The following NAV2 variants were observed in gnomAD, a reference collection of about 807,000 sequenced individuals.
The protein encoded by NAV2 is neuron navigator 2.
Under a neutral mutation model 223.2 loss-of-function variants are expected in NAV2, and 54 were observed. The ratio of observed to expected loss-of-function variants is 0.24; its 90% confidence interval spans 0.19 to 0.30. The LOEUF (loss-of-function observed/expected upper bound fraction) is 0.30, where lower values mean the gene tolerates loss of function less well. Ranked by LOEUF, NAV2 falls within the 10% of genes least tolerant of loss-of-function variation. The probability of loss-of-function intolerance (pLI) is 1.00; values close to 1 mark genes in which losing one functional copy is unlikely to be tolerated. For synonymous variants in NAV2, 1,279 were observed against 1,239.3 expected (o/e 1.03, Z -0.67); for missense variants, 2,806 against 3,147.5 (o/e 0.89, Z 2.60).
intron 11 of NAV2, among the ~76,000 whole-genome samples, chr11:20,034,853 A>G (rs1479255210): frequency 6.6e-6 from 1 of 152,150 alleles, no homozygotes; most frequent in Non-Finnish European, 1.5e-5. Flanking sequence ...GAGAGGAGGC[A>G]GGGGCAAGTG....
At chr11:19,612,995 C>T (rs112392967) in intron 1 of NAV2, among the ~76,000 whole-genome samples, 4 of 152,140 alleles carry the variant, frequency 2.6e-5, no homozygotes, top group South Asian at 2.1e-4. Flanking sequence ...AGAATCATCC[C>T]GGAAGGCAAA....
chr11:19,633,057 A>G (rs2047389609), intron 1 of NAV2, among the ~76,000 whole-genome samples: 1 of 151,674 alleles, frequency 6.6e-6, no homozygotes, highest in African/African-American at 2.4e-5. Context: ...TCTACATTCT[A>G]AGCTCCTGGG....
chr11:19,766,369 G>T (rs1330524592), intron 1 of NAV2, among the ~76,000 whole-genome samples: 3 of 152,178 alleles, frequency 2.0e-5, no homozygotes, highest in Non-Finnish European at 4.4e-5. Flanking sequence ...ACATGGTGAT[G>T]GGGGTAGAGG....
chr11:19,602,816 A>G (rs1300681605), intron 1 of NAV2, among the ~76,000 whole-genome samples: 1 of 104,622 alleles, frequency 9.6e-6, no homozygotes, highest in Admixed American at 1.1e-4. Flanking sequence ...GGGCCACCCT[A>G]ATCTAGGATA....
intron 12 of NAV2, 65 bp downstream of exon 12, chr11:20,036,162 TG>T: frequency 6.2e-7 from 1 of 1,603,242 alleles, no homozygotes. Flanking sequence ...CTTGGGCTTG[TG>T]GGGTAAGAGG....
At chr11:19,350,700 T>C (rs1853257864), upstream of NAV2, 5 of 517,020 alleles carry the variant, frequency 9.7e-6, no homozygotes, top group Non-Finnish European at 1.7e-5. Context: ...GTCTCAGACC[T>C]AAAGTAAAAC....
intron 1 of NAV2, among the ~76,000 whole-genome samples, chr11:19,461,575 G>A (rs1451865421): frequency 2.0e-5 from 3 of 152,192 alleles, no homozygotes; most frequent in Non-Finnish European, 4.4e-5. Context: ...ACAGCCAGTA[G>A]GCCAGGTATT....
At chr11:19,980,281 C>T (rs1209699550) in intron 10 of NAV2, among the ~76,000 whole-genome samples, 2 of 152,262 alleles carry the variant, frequency 1.3e-5, no homozygotes, top group East Asian at 1.9e-4. Context: ...TGGCAGAACT[C>T]GGGAGGGTAA....
intron 1 of NAV2, among the ~76,000 whole-genome samples, chr11:19,659,393 T>A (rs1353503188): frequency 6.6e-6 from 1 of 151,998 alleles, no homozygotes; most frequent in East Asian, 1.9e-4. Flanking sequence ...AGGAAGGAGT[T>A]TGGTGCAATG....
chr11:19,950,811 T>C (rs919582611), intron 10 of NAV2, among the ~76,000 whole-genome samples: 1 of 152,210 alleles, frequency 6.6e-6, no homozygotes, highest in African/African-American at 2.4e-5. Context: ...TCAGAATGAA[T>C]ACCCAAAGAT....
chr11:20,001,295 C>T (rs1355741579), intron 11 of NAV2, among the ~76,000 whole-genome samples: 1 of 152,184 alleles, frequency 6.6e-6, no homozygotes, highest in African/African-American at 2.4e-5. Context: ...CCAAAGGACC[C>T]CGTGCTATCC....
chr11:19,732,815 G>A (rs2051924379), intron 1 of NAV2, among the ~76,000 whole-genome samples: 1 of 152,168 alleles, frequency 6.6e-6, no homozygotes, highest in Admixed American at 6.5e-5. Context: ...GCCTCTGCAG[G>A]GTCAGGGAGA....
chr11:19,455,848 A>G (rs1851939730), intron 1 of NAV2, among the ~76,000 whole-genome samples: 2 of 152,224 alleles, frequency 1.3e-5, no homozygotes, highest in South Asian at 2.1e-4. Context: ...CTCTTGAGCA[A>G]CGCACCAGAA....
chr11:19,859,165 TC>T (rs2061549969), intron 3 of NAV2, among the ~76,000 whole-genome samples: 1 of 134,614 alleles, frequency 7.4e-6, no homozygotes, highest in Admixed American at 7.7e-5. Context: ...TTTTTATTGA[TC>T]ATTCTTGGGT....
chr11:20,004,664 G>GA (rs1456903474), intron 11 of NAV2, among the ~76,000 whole-genome samples: 1 of 152,184 alleles, frequency 6.6e-6, no homozygotes, highest in East Asian at 1.9e-4. Context: ...AGGGGGTGCT[G>GA]AAAGAAGATA....
upstream of NAV2, among the ~76,000 whole-genome samples, chr11:19,708,334 A>AT (rs145885687): frequency 0.024 from 3,624 of 151,974 alleles, 137 homozygotes; most frequent in African/African-American, 0.081. Flanking sequence ...GGAAAAGTGC[A>AT]TTTTTTTTAC....
At chr11:19,927,344 G>A (rs1319148865) in intron 6 of NAV2, among the ~76,000 whole-genome samples, 1 of 152,232 alleles carries the variant, frequency 6.6e-6, no homozygotes, top group Non-Finnish European at 1.5e-5. Context: ...CACTTTGGGA[G>A]GCCAAGGTGG....
chr11:19,548,854 G>A (rs1483383573), intron 1 of NAV2, among the ~76,000 whole-genome samples: 1 of 147,196 alleles, frequency 6.8e-6, no homozygotes, highest in Non-Finnish European at 1.5e-5. Flanking sequence ...CTCCAGCCTG[G>A]GTGACACATC....
chr11:19,636,557 C>T (rs2047508256), intron 1 of NAV2, among the ~76,000 whole-genome samples: 1 of 146,156 alleles, frequency 6.8e-6, no homozygotes, highest in Non-Finnish European at 1.5e-5. Flanking sequence ...ATGGCGTGAT[C>T]TCGGCTCACT....
Sources: gnomAD v4.1 joint callset for allele counts (sites outside exome capture counted in the v4.1 genomes callset) on GRCh38, gnomAD v4.1.1 for gene constraint, MANE v1.5 for transcripts, NCBI Gene and HGNC (gene_info 2026-07-23, HGNC 2026-07-21) for gene names.